HTR4: variants seen among roughly 807,000 people sequenced by gnomAD.
HTR4 encodes 5-hydroxytryptamine receptor 4, also known as 5-hydroxytryptamine (serotonin) receptor 4, G protein-coupled.
HTR4 carries 16 observed loss-of-function variants against 36.8 expected under a neutral mutation model. The ratio of observed to expected loss-of-function variants is 0.43; its 90% CI spans 0.29 to 0.66. The LOEUF (loss-of-function observed/expected upper bound fraction) is 0.66, where lower values mean the gene tolerates loss of function less well. Among genes scored for constraint, HTR4 ranks in the 30% least tolerant of loss-of-function variants. The pLI is 0.13. For missense variants in HTR4, 438 were observed against 490.9 expected (o/e 0.89, Z 1.02); for synonymous variants, 189 against 185.1 (o/e 1.02, Z -0.17).
chr5:148,534,133 T>G (rs1252505640), intron 4 of HTR4, among the ~76,000 whole-genome samples: 1 of 152,212 alleles, frequency 6.6e-6, no homozygotes, highest in African/African-American at 2.4e-5. Flanking sequence ...AGATGTTACA[T>G]GCCAATAGAT....
intron 2 of HTR4, among the ~76,000 whole-genome samples, chr5:148,624,461 A>G (rs1376121753): frequency 6.6e-6 from 1 of 152,238 alleles, no homozygotes; most frequent in Non-Finnish European, 1.5e-5. Flanking sequence ...CTCATTGAGC[A>G]TTCAGTGCCT....
intron 4 of HTR4, among the ~76,000 whole-genome samples, chr5:148,544,076 T>C: frequency 6.6e-6 from 1 of 150,838 alleles, no homozygotes; most frequent in East Asian, 2.1e-4. Flanking sequence ...AAAGGGAAAA[T>C]TGAAGTTTAA....
At chr5:148,535,269 C>T (rs1235004385) in intron 4 of HTR4, among the ~76,000 whole-genome samples, 1 of 152,162 alleles carries the variant, frequency 6.6e-6, no homozygotes. Context: ...GGAATACCCA[C>T]ATACAGAGAT....
At chr5:148,540,411 T>G in intron 4 of HTR4, among the ~76,000 whole-genome samples, 1 of 81,658 alleles carries the variant, frequency 1.2e-5, no homozygotes, top group African/African-American at 3.8e-5. Context: ...TATATATATA[T>G]ATATATATAT....
intron 2 of HTR4, among the ~76,000 whole-genome samples, chr5:148,555,312 T>C (rs941096157): frequency 6.6e-6 from 1 of 152,176 alleles, no homozygotes; most frequent in Admixed American, 6.5e-5. Flanking sequence ...GTGATGAACA[T>C]CTCTGGCTCC....
intron 2 of HTR4, among the ~76,000 whole-genome samples, chr5:148,634,094 G>C (rs1396760875): frequency 6.6e-6 from 1 of 152,114 alleles, no homozygotes; most frequent in African/African-American, 2.4e-5. Flanking sequence ...TTAACTGTAA[G>C]ACATTTTATT....
intron 6 of HTR4, among the ~76,000 whole-genome samples, chr5:148,493,480 T>C (rs553559525): frequency 5.3e-4 from 80 of 152,344 alleles, no homozygotes; most frequent in African/African-American, 1.9e-3. Flanking sequence ...TGCTCTTTTA[T>C]TTACATTCGA....
chr5:148,481,128 G>A (rs1755864158), downstream of HTR4, among the ~76,000 whole-genome samples: 1 of 152,124 alleles, frequency 6.6e-6, no homozygotes, highest in Admixed American at 6.5e-5. Context: ...AGATTGGTTG[G>A]GTCTCATCAT....
chr5:148,610,714 C>T (rs1221314478), intron 2 of HTR4, among the ~76,000 whole-genome samples: 20 of 150,734 alleles, frequency 1.3e-4, no homozygotes, highest in South Asian at 4.3e-4. Flanking sequence ...AGGCTTTAGA[C>T]GATCAAATTA....
chr5:148,580,408 T>C lies in HTR4; in HGVS notation c.27-30146A>G, dbSNP rs9325106. Among the ~76,000 whole-genome samples the C allele has an allele frequency of 9.2e-3, 1,395 of 152,180 alleles. 18 individuals are homozygous for C. The highest frequency in any genetic ancestry group is 0.031 in the African/African-American group (1,307 of 41,552). On this transcript the variant is annotated intron_variant, in intron 2 of 6. Transcript: ENST00000377888. ...TCATGCCAAAATTCCCCCTTTTTACTCTAATGAGAGCTATCCTATTAACCA... is the reference window on the plus strand; with the variant it reads ...TCATGCCAAAATTCCCCCTTTTTACCCTAATGAGAGCTATCCTATTAACCA...
intron 1 of HTR4, among the ~76,000 whole-genome samples, chr5:148,641,450 A>AAC (rs1245225464): frequency 0.011 from 1,724 of 152,280 alleles, 36 homozygotes; most frequent in African/African-American, 0.04. Flanking sequence ...AGATCATGGC[A>AAC]AGTTCTGGAA....
chr5:148,654,220 T>G lies in HTR4; in HGVS notation c.-206A>C. On this transcript the variant is annotated 5_prime_UTR_variant, in exon 1 of 7. Coordinates refer to ENST00000377888, the MANE Select transcript of HTR4 (RefSeq NM_000870.7). ...CGGGTGCGGGCTCCAGCCCCCGCGC[T>G]GGGGAGCCGGCGAGCGTGAGGCGCG... 1.0e-6 allele frequency: 1 copy of G among 984,950 alleles called. No individual in the cohort carries two copies. The highest frequency in any genetic ancestry group is 1.1e-4 in the East Asian group (1 of 8,766). 61.0% of individuals were successfully genotyped at this position (984,950 alleles called of 1,614,324 possible). A position where few individuals can be genotyped will look rare whatever the true frequency, so the allele number is the denominator to read the frequency against.
chr5:148,524,466 T>C (rs954256648), intron 4 of HTR4, among the ~76,000 whole-genome samples: 18 of 152,196 alleles, frequency 1.2e-4, no homozygotes, highest in African/African-American at 4.8e-5. Context: ...TTTGATTCCA[T>C]GTTCTGCCTA....
intron 4 of HTR4, among the ~76,000 whole-genome samples, chr5:148,526,103 C>A (rs964304019): frequency 3.9e-5 from 6 of 152,132 alleles, no homozygotes; most frequent in South Asian, 4.1e-4. Context: ...CCTATTGATA[C>A]CTTTATTTCA....
At chr5:148,596,336 A>G (rs1761771153) in intron 2 of HTR4, among the ~76,000 whole-genome samples, 1 of 152,200 alleles carries the variant, frequency 6.6e-6, no homozygotes, top group African/African-American at 2.4e-5. Flanking sequence ...TCCAGAAGCA[A>G]ACCTCAAATT....
At chr5:148,526,155 G>A (rs59238539) in intron 4 of HTR4, among the ~76,000 whole-genome samples, 2,129 of 152,226 alleles carry the variant, frequency 0.014, 52 homozygotes, top group African/African-American at 0.048. Flanking sequence ...AGTGTGTATT[G>A]TTCTAAGCCA....
chr5:148,517,635 C>CA (rs3041923), intron 5 of HTR4, among the ~76,000 whole-genome samples: 2,474 of 142,512 alleles, frequency 0.017, 65 homozygotes, highest in African/African-American at 0.055. Context: ...TCTAATTTTT[C>CA]AAAAAAAAAA....
At chr5:148,653,088 G>C (rs1457953153) in intron 1 of HTR4, among the ~76,000 whole-genome samples, 1 of 152,084 alleles carries the variant, frequency 6.6e-6, no homozygotes, top group East Asian at 1.9e-4. Flanking sequence ...TCCAGGGACA[G>C]GGTAAATATC....
chr5:148,474,088 C>T (rs1321712381), downstream of HTR4, among the ~76,000 whole-genome samples: 1 of 152,074 alleles, frequency 6.6e-6, no homozygotes, highest in Non-Finnish European at 1.5e-5. Context: ...TTCCTAGTTC[C>T]TTCCACTGAC....
Sources: gnomAD v4.1 joint callset for allele counts (sites outside exome capture counted in the v4.1 genomes callset) on GRCh38, gnomAD v4.1.1 for gene constraint, MANE v1.5 for transcripts, NCBI Gene and HGNC (gene_info 2026-07-23, HGNC 2026-07-21) for gene names.